The following NEK7 variants were observed in gnomAD, a reference collection of about 807,000 sequenced individuals.
NEK7 encodes NIMA related kinase 7, also known as serine/threonine-protein kinase Nek7.
NEK7 carries 18 observed loss-of-function variants against 44.6 expected under a neutral mutation model. That is an observed-to-expected ratio of 0.40 (90% CI 0.28 to 0.60). The LOEUF (loss-of-function observed/expected upper bound fraction) is 0.60, where lower values mean the gene tolerates loss of function less well. Ranked by LOEUF, NEK7 falls within the 20% of genes least tolerant of loss-of-function variation. The probability of loss-of-function intolerance (pLI) is 0.38; values close to 1 mark genes in which losing one functional copy is unlikely to be tolerated. For missense variants in NEK7, 256 were observed against 366.5 expected (o/e 0.70, Z 2.46); for synonymous variants, 130 against 121.1 (o/e 1.07, Z -0.48).
chr1:198,247,212 T>C (rs918190268), intron 2 of NEK7, among the ~76,000 whole-genome samples: 1 of 152,276 alleles, frequency 6.6e-6, no homozygotes, highest in Non-Finnish European at 1.5e-5. Context: ...TGTTTCTTAT[T>C]GTGGAATACT....
intron 1 of NEK7, among the ~76,000 whole-genome samples, chr1:198,194,996 A>G (rs866523408): frequency 2.0e-5 from 3 of 152,000 alleles, no homozygotes; most frequent in South Asian, 4.2e-4. Context: ...TGACTTTTTA[A>G]TAATAGCCTT....
intron 1 of NEK7, among the ~76,000 whole-genome samples, chr1:198,159,189 A>G (rs1664018771): frequency 6.6e-6 from 1 of 152,208 alleles, no homozygotes; most frequent in Non-Finnish European, 1.5e-5. Context: ...CGCGTTCGGG[A>G]GGGCGGGTAC....
chr1:198,234,111 G>A (rs533873769), intron 2 of NEK7, among the ~76,000 whole-genome samples: 9 of 152,042 alleles, frequency 5.9e-5, no homozygotes, highest in South Asian at 4.2e-4. Context: ...ATGCCCTCTG[G>A]TACTTCAATT....
chr1:198,191,726 T>G (rs1286277256), intron 1 of NEK7, among the ~76,000 whole-genome samples: 1 of 152,104 alleles, frequency 6.6e-6, no homozygotes, highest in Non-Finnish European at 1.5e-5. Context: ...ACTTGTCTAT[T>G]TTCTTCAAAA....
At chr1:198,266,180 C>G (rs1211969273) in intron 5 of NEK7, among the ~76,000 whole-genome samples, 2 of 152,014 alleles carry the variant, frequency 1.3e-5, no homozygotes, top group African/African-American at 4.8e-5. Context: ...TTTATTCTTA[C>G]AGAGAAATCT....
At chr1:198,157,462 G>A (rs1028321454) in intron 1 of NEK7, among the ~76,000 whole-genome samples, 186 bp downstream of exon 1, 1 of 152,210 alleles carries the variant, frequency 6.6e-6, no homozygotes, top group African/African-American at 2.4e-5. Flanking sequence ...GGTCTTGTTC[G>A]TTGGCAGCGG....
At chr1:198,230,123 T>TA (rs1239985994) in intron 1 of NEK7, among the ~76,000 whole-genome samples, 1 of 152,176 alleles carries the variant, frequency 6.6e-6, no homozygotes, top group Admixed American at 6.5e-5. Context: ...GAGATTCATA[T>TA]AAAAAATGTT....
rs544361776 is a variant in NEK7, at chr1:198,157,107, C to G, written c.-198C>G. The G allele has an allele frequency of 6.6e-6, 1 of 151,854 alleles. No homozygotes were observed. The highest frequency in any genetic ancestry group is 2.4e-5 in the African/African-American group (1 of 41,394). 9.4% of individuals were successfully genotyped at this position (151,854 alleles called of 1,614,324 possible). ...CTCGCAGTGCGCAGGGTGGGTGCCC[C>G]GCGCCTGCAGCGTCCGCCGGGGCGG... On this transcript the variant is annotated 5_prime_UTR_variant, in exon 1 of 10. Transcript: ENST00000367385.
At chr1:198,161,926 A>G (rs576178526) in intron 1 of NEK7, among the ~76,000 whole-genome samples, 4 of 152,044 alleles carry the variant, frequency 2.6e-5, no homozygotes, top group Non-Finnish European at 5.9e-5. Flanking sequence ...TGTCTACTTT[A>G]GAGGGAATTT....
chr1:198,317,004 G>C (rs1209114009), intron 9 of NEK7, among the ~76,000 whole-genome samples: 4 of 152,130 alleles, frequency 2.6e-5, no homozygotes, highest in Non-Finnish European at 5.9e-5. Flanking sequence ...GGATAAGTGG[G>C]AGCATTCCCA....
At chr1:198,161,637 C>A (rs753739959) in intron 1 of NEK7, among the ~76,000 whole-genome samples, 15 of 152,088 alleles carry the variant, frequency 9.9e-5, no homozygotes, top group Non-Finnish European at 1.2e-4. Context: ...TTTTGTGTTT[C>A]ATTTCAGAGT....
intron 8 of NEK7, among the ~76,000 whole-genome samples, chr1:198,296,416 T>C (rs956835663): frequency 6.6e-6 from 1 of 152,226 alleles, no homozygotes; most frequent in Non-Finnish European, 1.5e-5. Flanking sequence ...TGTCTTAAAA[T>C]AAATTTAAAT....
At chr1:198,256,178 A>G (rs1653257055) in intron 3 of NEK7, 1 of 926,744 alleles carries the variant, frequency 1.1e-6, no homozygotes, top group Non-Finnish European at 1.5e-6. Flanking sequence ...TTTATCATTC[A>G]TTTCTCTGCT....
chr1:198,233,374 G>A (rs187895585), intron 2 of NEK7, among the ~76,000 whole-genome samples: 245 of 152,216 alleles, frequency 1.6e-3, no homozygotes, highest in Non-Finnish European at 3.0e-3. Context: ...TAAAGCTAAC[G>A]TGTAATGACA....
At position 198,301,777 on chromosome 1, in the gene NEK7, A is replaced by G. The variant is rs559282368; in HGVS notation, c.798+4537A>G. ...GAAAAAGAAATTTAAGCATTTATCAAACATTGGAAAGACGGTTAAAATGTT... is the reference window on the plus strand; with the variant it reads ...GAAAAAGAAATTTAAGCATTTATCAGACATTGGAAAGACGGTTAAAATGTT... On this transcript the variant is annotated intron_variant, in intron 9 of 9. Coordinates refer to ENST00000367385, the MANE Select transcript of NEK7 (RefSeq NM_133494.3). Among the ~76,000 whole-genome samples the G allele has an allele frequency of 1.1e-3, 166 of 152,382 alleles. 4 individuals carry two copies. The South Asian group carries it at 0.033, about 31-fold the overall frequency.
chr1:198,220,068 T>A (rs1414036432), intron 1 of NEK7, among the ~76,000 whole-genome samples: 13 of 152,016 alleles, frequency 8.6e-5, no homozygotes, highest in Admixed American at 7.9e-4. Context: ...TTGTTCTTGC[T>A]TTATTAGGTG....
chr1:198,228,650 C>A (rs914711481), intron 1 of NEK7, among the ~76,000 whole-genome samples: 2 of 152,094 alleles, frequency 1.3e-5, no homozygotes, highest in African/African-American at 4.8e-5. Context: ...GGAGTTCACT[C>A]ATGATTTGGC....
intron 1 of NEK7, among the ~76,000 whole-genome samples, chr1:198,184,193 G>A (rs1664848020): frequency 6.6e-6 from 1 of 152,150 alleles, no homozygotes; most frequent in Non-Finnish European, 1.5e-5. Flanking sequence ...TAGTATGCAA[G>A]GATTTGACTT....
intron 2 of NEK7, among the ~76,000 whole-genome samples, chr1:198,233,989 G>T (rs1191868620): frequency 6.7e-6 from 1 of 148,618 alleles, no homozygotes; most frequent in Non-Finnish European, 1.5e-5. Flanking sequence ...GAAATGTGGC[G>T]GTATCTTCTT....
Sources: allele counts gnomAD v4.1 joint callset (sites outside exome capture counted in the v4.1 genomes callset), GRCh38; gene constraint gnomAD v4.1.1; transcripts MANE v1.5; gene names NCBI Gene and HGNC (gene_info 2026-07-23, HGNC 2026-07-21).